The following GARRE1 variants were observed in gnomAD, a reference collection of about 807,000 sequenced individuals.
The protein encoded by GARRE1 is granule associated Rac and RHOG effector protein 1.
In GARRE1, 49 loss-of-function variants were observed where a neutral mutation model predicts 103.2. The observed-to-expected ratio is 0.47, with a 90% CI of 0.38 to 0.60. The LOEUF (loss-of-function observed/expected upper bound fraction) is 0.60, where lower values mean the gene tolerates loss of function less well. GARRE1 is among the 20% of genes least tolerant of loss of function. The pLI is 0.00. For missense variants in GARRE1, 1,199 were observed against 1,370.5 expected, an observed-to-expected ratio of 0.87 and a Z score of 1.98; for synonymous variants, 505 against 532.8, an observed-to-expected ratio of 0.95 and a Z score of 0.72.
rs1384380744 is a variant in GARRE1, at chr19:34,352,919, G to A, written c.3177G>A (p.Lys1059=). The A allele has an allele frequency of 1.3e-6, 2 of 1,569,958 alleles. No individual in the cohort carries two copies. Among genetic ancestry groups the A allele is most frequent in the South Asian group, 1.2e-5 (1 of 86,818 alleles). Residue 1059 remains lysine, a synonymous_variant, in exon 14 of 14, where the codon AAG becomes AAA. Transcript: ENST00000299505. ...APKGFKAFPG[K]GERRPAYLPQ... The stretch of plus-strand genomic sequence containing the variant: ...AGGGCTTCAAGGCCTTCCCTGGGAA[G>A]GGTGAGCGCAGGCCAGCCTATCTGC...
Position 34,300,778 on chromosome 19 carries a change from G to A in GARRE1, c.305G>A (p.Ser102Asn), listed in dbSNP as rs1435971246. 5.6e-6 allele frequency: 9 copies of A among 1,614,210 alleles called. No individual in the cohort carries two copies. Among genetic ancestry groups the A allele is most frequent in the Non-Finnish European group, 7.6e-6 (9 of 1,180,026 alleles). The stretch of plus-strand genomic sequence containing the variant: ...AGTACTTTCCTCACAGATCTCTTCA[G>A]CACTGTGTTCAGGAACTCTCACTAC... ...RASTFLTDLF[S>N]TVFRNSHYSK... The change falls in exon 2 of 14, where the codon AGC becomes AAC. Residue 102 changes from serine to asparagine, a missense_variant. Ser to Asn is a conservative substitution (Grantham distance 46, BLOSUM62 1). Transcript: ENST00000299505.
Position 34,300,092 on chromosome 19 carries a change from A to C in GARRE1, c.-382A>C, listed in dbSNP as rs1276693995. 5.7e-6 allele frequency: 1 copy of C among 176,626 alleles called. No individual in the cohort carries two copies. Among genetic ancestry groups the C allele is most frequent in the Non-Finnish European group, 1.2e-5 (1 of 84,060 alleles). The allele number at this position is 176,626 out of a possible 1,614,324, so 10.9% of individuals were successfully genotyped here. ...GTATATTGAAGACACAGTGTATTACATTATATTACATTTTTAAACGTTAAG... is the reference window on the plus strand; with the variant it reads ...GTATATTGAAGACACAGTGTATTACCTTATATTACATTTTTAAACGTTAAG... On this transcript the variant is annotated 5_prime_UTR_variant, in exon 2 of 14. Coordinates refer to ENST00000299505, the MANE Select transcript of GARRE1 (RefSeq NM_014686.5).
At chr19:34,347,784 T>C (rs2074218810) in intron 10 of GARRE1, 93 bp from the exon 11 acceptor site, 9 of 1,227,534 alleles carry the variant, frequency 7.3e-6, no homozygotes, top group East Asian at 2.7e-5. Context: ...CTGCCTTTCA[T>C]TGCATGTGTG....
intron 2 of GARRE1, among the ~76,000 whole-genome samples, chr19:34,319,341 G>A (rs2074074604): frequency 6.6e-6 from 1 of 152,016 alleles, no homozygotes; most frequent in Non-Finnish European, 1.5e-5. Context: ...ATATTTTCTT[G>A]ACTCCTGGAA....
At chr19:34,330,483 A>T in intron 7 of GARRE1, 136 bp downstream of exon 7, 1 of 794,310 alleles carries the variant, frequency 1.3e-6, no homozygotes, top group Non-Finnish European at 2.0e-6. Context: ...TAGACCAGGC[A>T]GGTAGACAAG....
rs540413903 is a variant in GARRE1 at position 34,325,563 on chromosome 19, C to G, written c.706-1858C>G. On this transcript the variant is annotated intron_variant, in intron 3 of 13. Transcript: ENST00000299505. ...GCAGTTCCCACCTCCAAAATCTTAT[C>G]CCAGATCTGTCCCCTTCTTCCACGT... Among the ~76,000 whole-genome samples, 7 of 152,344 alleles carry G rather than the reference C, an allele frequency of 4.6e-5. No homozygotes were observed. The South Asian group carries it at 1.2e-3, about 27-fold the overall frequency.
intron 1 of GARRE1, among the ~76,000 whole-genome samples, chr19:34,276,493 A>C (rs184204637): frequency 2.0e-5 from 3 of 152,350 alleles, no homozygotes; most frequent in Admixed American, 1.3e-4. Context: ...GTATATGTAC[A>C]GTGGAAGATG....
chr19:34,279,849 G>A (rs2073840496), intron 1 of GARRE1, among the ~76,000 whole-genome samples: 1 of 150,914 alleles, frequency 6.6e-6, no homozygotes, highest in Non-Finnish European at 1.5e-5. Flanking sequence ...GCCGGGCGTA[G>A]TGGCGGGCGC....
intron 2 of GARRE1, among the ~76,000 whole-genome samples, chr19:34,307,046 C>T (rs2074010363): frequency 6.6e-6 from 1 of 152,054 alleles, no homozygotes; most frequent in South Asian, 2.1e-4. Flanking sequence ...GCACAGAGTC[C>T]CAGAGGCAGG....
chr19:34,267,693 G>T (rs757379583), intron 1 of GARRE1, among the ~76,000 whole-genome samples: 1 of 151,176 alleles, frequency 6.6e-6, no homozygotes, highest in East Asian at 1.9e-4. Context: ...AAAATAAACC[G>T]CAGGTTTCTA....
rs553894951 is a variant in GARRE1 at position 34,330,040 on chromosome 19, G to A, written c.1105-149G>A. 4.1e-4 allele frequency: 283 copies of A among 686,788 alleles called. 4 individuals are homozygous for A. The South Asian group carries it at 4.9e-3, about 12-fold the overall frequency. The allele number at this position is 686,788 out of a possible 1,614,324, so 42.5% of individuals were successfully genotyped here. On this transcript the variant is annotated intron_variant, in intron 6 of 13. Coordinates refer to ENST00000299505, the MANE Select transcript of GARRE1 (RefSeq NM_014686.5). ...GTCTAGGCTGCAGTGAGCCATGTTC[G>A]TGCCACCGGACTGCAGCTTGGACGA...
At chr19:34,332,856 C>T (rs191474574) in intron 7 of GARRE1, among the ~76,000 whole-genome samples, 1 of 152,140 alleles carries the variant, frequency 6.6e-6, no homozygotes, top group Admixed American at 6.5e-5. Context: ...ATACTCTTAT[C>T]ACCTATCTAG....
intron 1 of GARRE1, chr19:34,296,616 T>C: frequency 1.5e-6 from 2 of 1,354,530 alleles, no homozygotes; most frequent in Non-Finnish European, 2.1e-6. Flanking sequence ...AAAGTGCATG[T>C]TCCTCAGGAA....
chr19:34,345,331 A>G (rs2145283168), intron 10 of GARRE1, among the ~76,000 whole-genome samples: 1 of 152,308 alleles, frequency 6.6e-6, no homozygotes, highest in African/African-American at 2.4e-5. Context: ...GGATGGATGT[A>G]GGAAACCCTT....
At chr19:34,342,879 C>G (rs1231248279) in intron 10 of GARRE1, among the ~76,000 whole-genome samples, 1 of 151,696 alleles carries the variant, frequency 6.6e-6, no homozygotes, top group Non-Finnish European at 1.5e-5. Context: ...TGACAGGTGA[C>G]AGACACCCTC....
At chr19:34,304,437 G>A (rs1049254469) in intron 2 of GARRE1, among the ~76,000 whole-genome samples, 2 of 149,298 alleles carry the variant, frequency 1.3e-5, no homozygotes, top group African/African-American at 2.5e-5. Context: ...GTGCAGTGGC[G>A]TGGTCTTGGC....
intron 2 of GARRE1, among the ~76,000 whole-genome samples, chr19:34,302,292 G>GTTTTTTT (rs397786603): frequency 3.3e-5 from 3 of 92,048 alleles, no homozygotes; most frequent in Admixed American, 1.7e-4. Context: ...GCGCCCAGCC[G>GTTTTTTT]TTTTTTTTTT....
chr19:34,330,681 T>G (rs1194075868), intron 7 of GARRE1, among the ~76,000 whole-genome samples: 4 of 151,430 alleles, frequency 2.6e-5, no homozygotes, highest in Non-Finnish European at 5.9e-5. Flanking sequence ...ATTGCTTAAG[T>G]CTAGGAGTTT....
At chr19:34,333,677 G>GTTTTTTTTTTTTTTTTTTTTTTTTTTTT in intron 7 of GARRE1, 27 bp from the exon 8 acceptor site, 2 of 673,616 alleles carry the variant, frequency 3.0e-6, no homozygotes, top group Non-Finnish European at 2.4e-6. Flanking sequence ...GTTGTTATTT[G>GTTTTTTTTTTTTTTTTTTTTTTTTTTTT]TTTTTTTTTT....
Sources: gnomAD v4.1 joint callset for allele counts (sites outside exome capture counted in the v4.1 genomes callset) on GRCh38, gnomAD v4.1.1 for gene constraint, MANE v1.5 for transcripts, NCBI Gene and HGNC (gene_info 2026-07-23, HGNC 2026-07-21) for gene names.